The following TSGA10 variants were observed in gnomAD, a reference collection of about 807,000 sequenced individuals.
The protein encoded by TSGA10 is testis specific 10.
TSGA10 carries 43 observed loss-of-function variants against 96.6 expected under a neutral mutation model. That is an observed-to-expected ratio of 0.44 (90% confidence interval 0.35 to 0.57). The LOEUF (loss-of-function observed/expected upper bound fraction) is 0.57. TSGA10 is among the 20% of genes least tolerant of loss of function. The probability of loss-of-function intolerance (pLI) is 0.01; values close to 1 mark genes in which losing one functional copy is unlikely to be tolerated. For missense variants in TSGA10, 703 were observed against 834.4 expected, an observed-to-expected ratio of 0.84 and a Z score of 1.94; for synonymous variants, 229 against 269.9, an observed-to-expected ratio of 0.85 and a Z score of 1.48.
chr2:99,094,188 T>C (rs113533416), intron 10 of TSGA10, among the ~76,000 whole-genome samples: 27 of 152,242 alleles, frequency 1.8e-4, no homozygotes, highest in African/African-American at 5.5e-4. Context: ...GCTGGGATAA[T>C]TGGCAAGCCA....
At chr2:99,031,744 A>G (rs2081151507) in intron 17 of TSGA10, among the ~76,000 whole-genome samples, 1 of 152,108 alleles carries the variant, frequency 6.6e-6, no homozygotes, top group African/African-American at 2.4e-5. Context: ...ACTGCTCCCC[A>G]TTACTCGCAT....
At chr2:99,129,045 C>T (rs953260368) in intron 1 of TSGA10, among the ~76,000 whole-genome samples, 1 of 152,196 alleles carries the variant, frequency 6.6e-6, no homozygotes, top group Non-Finnish European at 1.5e-5. Context: ...CCAGCCAACA[C>T]ATTCTTAATA....
chr2:99,099,416 T>C (rs1351461043), intron 10 of TSGA10, among the ~76,000 whole-genome samples: 3 of 152,210 alleles, frequency 2.0e-5, no homozygotes, highest in Non-Finnish European at 2.9e-5. Context: ...TTAGTTAACA[T>C]AGACCAACAA....
At chr2:99,027,790 T>C (rs1163070746) in intron 17 of TSGA10, among the ~76,000 whole-genome samples, 1 of 152,172 alleles carries the variant, frequency 6.6e-6, no homozygotes, top group Non-Finnish European at 1.5e-5. Context: ...AAAGACAGTT[T>C]CTTTTGTTTG....
chr2:99,087,583 G>A (rs2088705001), intron 10 of TSGA10, among the ~76,000 whole-genome samples: 1 of 152,110 alleles, frequency 6.6e-6, no homozygotes. Flanking sequence ...AGCTACCTAG[G>A]AGGCTGAGGC....
chr2:99,010,488 C>T (rs1438690723), intron 20 of TSGA10, among the ~76,000 whole-genome samples: 5 of 152,162 alleles, frequency 3.3e-5, no homozygotes, highest in East Asian at 3.8e-4. Flanking sequence ...ATCCACATCA[C>T]GGGAGAAAAA....
At chr2:99,015,723 T>A (rs2079461888) in intron 20 of TSGA10, among the ~76,000 whole-genome samples, 1 of 152,150 alleles carries the variant, frequency 6.6e-6, no homozygotes. Context: ...ACTGACGATA[T>A]GATCATATAC....
chr2:99,154,776 T>G lies in TSGA10; in HGVS notation c.-704A>C. ...TGGGGCCTTATGACCTTCGGTACTT[T>G]TATTCGAACGTAGCCTGCGTCCCTG... On this transcript the variant is annotated 5_prime_UTR_variant, in exon 1 of 21. Coordinates refer to ENST00000393483, the MANE Select transcript of TSGA10 (RefSeq NM_025244.4). The G allele has an allele frequency of 3.2e-6, 1 of 314,780 alleles. No individual in the cohort carries two copies. The highest frequency in any genetic ancestry group is 9.6e-5 in the East Asian group (1 of 10,402). The allele number at this position is 314,780 out of a possible 1,614,324, so 19.5% of individuals were successfully genotyped here.
At chr2:99,005,341 G>A (rs541746784) in intron 20 of TSGA10, among the ~76,000 whole-genome samples, 20 of 152,286 alleles carry the variant, frequency 1.3e-4, no homozygotes, top group African/African-American at 4.6e-4. Context: ...AGGAAAAGAG[G>A]AAGTCAAATT....
chr2:99,002,850 T>C (rs2104796409), intron 20 of TSGA10, among the ~76,000 whole-genome samples: 1 of 151,400 alleles, frequency 6.6e-6, no homozygotes, highest in African/African-American at 2.4e-5. Flanking sequence ...TCCTAGTCTC[T>C]GATAAAACAA....
chr2:99,046,843 AAAAG>A (rs1429475277), intron 16 of TSGA10, among the ~76,000 whole-genome samples: 1 of 152,210 alleles, frequency 6.6e-6, no homozygotes, highest in East Asian at 1.9e-4. Context: ...AATAAAGAAG[AAAAG>A]AGAGAAGAAT....
intron 18 of TSGA10, among the ~76,000 whole-genome samples, chr2:99,019,250 A>G (rs1195046709): frequency 6.6e-6 from 1 of 152,202 alleles, no homozygotes; most frequent in Non-Finnish European, 1.5e-5. Flanking sequence ...AGACTGCTGA[A>G]ATCTAAACTT....
At chr2:99,037,069 G>A (rs1022573123) in intron 16 of TSGA10, among the ~76,000 whole-genome samples, 1 of 152,140 alleles carries the variant, frequency 6.6e-6, no homozygotes, top group Non-Finnish European at 1.5e-5. Flanking sequence ...CAACACCCAT[G>A]TATCAGTAAC....
intron 20 of TSGA10, among the ~76,000 whole-genome samples, chr2:99,009,731 C>A (rs1369894074): frequency 6.6e-6 from 1 of 152,072 alleles, no homozygotes; most frequent in Non-Finnish European, 1.5e-5. Flanking sequence ...AAGGTTCTCA[C>A]TGTAGAAGAA....
intron 16 of TSGA10, among the ~76,000 whole-genome samples, chr2:99,049,853 G>T (rs908395629): frequency 2.0e-5 from 3 of 151,840 alleles, no homozygotes; most frequent in African/African-American, 7.3e-5. Context: ...GAAAATAACT[G>T]ATCACAGATG....
At position 99,035,458 on chromosome 2, in the gene TSGA10, ATATATGTATG is replaced by A; in HGVS notation, c.1405-29_1405-20del. On this transcript the variant is annotated intron_variant, in intron 16 of 20. Transcript: ENST00000393483. ...TTAAGTGCTGTAAGAATAAAATTATATATATGTATGTATACATATATATTAAACTGGAAGG... is the reference window on the plus strand; with the variant it reads ...TTAAGTGCTGTAAGAATAAAATTATATATACATATATATTAAACTGGAAGG... 1 of 1,533,446 alleles carries A rather than the reference ATATATGTATG, an allele frequency of 6.5e-7. No individual in the cohort carries two copies. The highest frequency in any genetic ancestry group is 8.9e-7 in the Non-Finnish European group (1 of 1,118,616). The allele number at this position is 1,533,446 out of a possible 1,614,324, so 95.0% of individuals were successfully genotyped here.
At position 99,071,625 on chromosome 2, in the gene TSGA10, A is replaced by G. The variant is rs2085973890; in HGVS notation, c.1107+81T>C. ...CTAGTTCCAGTGTCTGAGCTCTTCT[A>G]TAAAATAAAATGAGGGCTGTTCCTC... On this transcript the variant is annotated intron_variant, in intron 14 of 20. Coordinates refer to ENST00000393483, the MANE Select transcript of TSGA10 (RefSeq NM_025244.4). 3 of 1,395,896 alleles carry G rather than the reference A, an allele frequency of 2.1e-6. 1 individual carries two copies. Among genetic ancestry groups the G allele is most frequent in the East Asian group, 4.6e-5 (2 of 43,484 alleles). 86.5% of individuals were successfully genotyped at this position (1,395,896 alleles called of 1,614,324 possible). A position where few individuals can be genotyped will look rare whatever the true frequency, so the allele number is the denominator to read the frequency against.
chr2:99,019,780 G>A (rs2079850102), intron 18 of TSGA10, among the ~76,000 whole-genome samples: 1 of 152,142 alleles, frequency 6.6e-6, no homozygotes, highest in Non-Finnish European at 1.5e-5. Flanking sequence ...TTTTAATAAG[G>A]TGCTAGGAGT....
At chr2:99,086,902 TA>T (rs879516439) in intron 10 of TSGA10, among the ~76,000 whole-genome samples, 482 of 142,450 alleles carry the variant, frequency 3.4e-3, no homozygotes, top group Middle Eastern at 7.1e-3. Context: ...ACCCTGTGTC[TA>T]AAAAAAAAAA....
Sources: allele counts gnomAD v4.1 joint callset (sites outside exome capture counted in the v4.1 genomes callset), GRCh38; gene constraint gnomAD v4.1.1; transcripts MANE v1.5; gene names NCBI Gene and HGNC (gene_info 2026-07-23, HGNC 2026-07-21).